Variants in MAPK4 observed in about 807,000 individuals in gnomAD.
MAPK4 encodes Erk3-related.
MAPK4 carries 22 observed loss-of-function variants against 47.7 expected under a neutral mutation model. The observed-to-expected ratio is 0.46, with a 90% CI of 0.33 to 0.66. The LOEUF is 0.66. MAPK4 is among the 30% of genes least tolerant of loss of function. The probability of loss-of-function intolerance (pLI) is 0.02; values close to 1 mark genes in which losing one functional copy is unlikely to be tolerated. For synonymous variants in MAPK4, 390 were observed against 365.7 expected, an observed-to-expected ratio of 1.07 and a Z score of -0.76; for missense variants, 736 against 831.7, an observed-to-expected ratio of 0.88 and a Z score of 1.42.
intron 1 of MAPK4, among the ~76,000 whole-genome samples, chr18:50,625,902 A>G (rs2042773264): frequency 7.7e-6 from 1 of 129,900 alleles, no homozygotes; most frequent in East Asian, 2.3e-4. Context: ...ACACACACAC[A>G]CACACACACA....
At chr18:50,709,332 C>T (rs917644411) in intron 2 of MAPK4, among the ~76,000 whole-genome samples, 1 of 152,216 alleles carries the variant, frequency 6.6e-6, no homozygotes, top group Non-Finnish European at 1.5e-5. Context: ...TAATCCCCTG[C>T]TCTCCAGACT....
At chr18:50,662,412 C>T (rs1907320486) in intron 1 of MAPK4, among the ~76,000 whole-genome samples, 1 of 152,162 alleles carries the variant, frequency 6.6e-6, no homozygotes. Flanking sequence ...AGAGCGAGGT[C>T]ACATTGTCAA....
intron 1 of MAPK4, among the ~76,000 whole-genome samples, chr18:50,598,205 T>TA (rs1427517726): frequency 6.6e-6 from 1 of 152,236 alleles, no homozygotes; most frequent in Middle Eastern, 3.2e-3. Context: ...ATTAGATACC[T>TA]ACTGCATGCC....
intron 1 of MAPK4, among the ~76,000 whole-genome samples, chr18:50,640,771 T>C (rs1331750369): frequency 6.6e-6 from 1 of 152,156 alleles, no homozygotes; most frequent in East Asian, 1.9e-4. Context: ...CAGCCAGTTA[T>C]GGCTATTTTC....
At position 50,678,637 on chromosome 18, in the gene MAPK4, T is replaced by TC. The variant is rs1306511984; in HGVS notation, c.546+14136dup. On this transcript the variant is annotated intron_variant, in intron 2 of 5. Transcript: ENST00000400384. The surrounding 1 kb of genome is among the most constrained non-coding windows in gnomAD (Gnocchi z 4.2). ...ACTTTGGGAAGAATACAGCTTTTTTTCCCTCCCTTTTTCAATAATTCCCAA... is the reference window on the plus strand; with the variant it reads ...ACTTTGGGAAGAATACAGCTTTTTTTCCCCTCCCTTTTTCAATAATTCCCAA... Among the ~76,000 whole-genome samples, 2 of 152,126 alleles carry TC rather than the reference T, an allele frequency of 1.3e-5. No individual in the cohort carries two copies. The highest frequency in any genetic ancestry group is 1.9e-4 in the East Asian group (1 of 5,194).
chr18:50,630,612 A>T (rs1382552382), intron 1 of MAPK4, among the ~76,000 whole-genome samples: 1 of 152,220 alleles, frequency 6.6e-6, no homozygotes, highest in African/African-American at 2.4e-5. Flanking sequence ...CTCTTCGGAC[A>T]CATCCTTCAA....
intron 3 of MAPK4, among the ~76,000 whole-genome samples, chr18:50,721,237 T>C (rs1910920869): frequency 1.3e-5 from 2 of 152,158 alleles, no homozygotes; most frequent in Non-Finnish European, 2.9e-5. Context: ...TGAAGCTTCT[T>C]ATGAATGAAA....
chr18:50,652,532 G>A (rs2043061794), intron 1 of MAPK4, among the ~76,000 whole-genome samples: 1 of 152,124 alleles, frequency 6.6e-6, no homozygotes, highest in South Asian at 2.1e-4. Flanking sequence ...TCTCATGTCT[G>A]GTTGGTATCC....
intron 1 of MAPK4, among the ~76,000 whole-genome samples, chr18:50,607,189 G>C (rs1052146540): frequency 3.3e-5 from 5 of 152,136 alleles, no homozygotes; most frequent in African/African-American, 9.7e-5. Context: ...ATGGGGCCAG[G>C]GGGGAGGGGA....
At chr18:50,728,904 G>A (rs1262334732) in intron 5 of MAPK4, among the ~76,000 whole-genome samples, 1 of 152,236 alleles carries the variant, frequency 6.6e-6, no homozygotes, top group Non-Finnish European at 1.5e-5. Context: ...GTGAGTGCTG[G>A]CACATGGTAG....
intron 2 of MAPK4, among the ~76,000 whole-genome samples, chr18:50,689,845 TTTGACA>T (rs1909113594): frequency 6.6e-6 from 1 of 152,226 alleles, no homozygotes; most frequent in African/African-American, 2.4e-5. Flanking sequence ...TTTCTCCAAA[TTTGACA>T]TGAAGTCTAT....
chr18:50,585,913 TG>T (rs1598798753), intron 1 of MAPK4, among the ~76,000 whole-genome samples: 1 of 152,154 alleles, frequency 6.6e-6, no homozygotes, highest in African/African-American at 2.4e-5. Flanking sequence ...AAGAACAGCA[TG>T]GGGGTTACTG....
chr18:50,702,124 T>C (rs12962348), intron 2 of MAPK4, among the ~76,000 whole-genome samples: 25,415 of 135,676 alleles, frequency 0.19, 2,368 homozygotes, highest in African/African-American at 0.27. Flanking sequence ...ATCACACCAC[T>C]GCACTCCAGC....
intron 3 of MAPK4, 37 bp downstream of exon 3, chr18:50,715,260 G>A (rs777844507): frequency 2.5e-6 from 4 of 1,592,172 alleles, no homozygotes; most frequent in Non-Finnish European, 3.4e-6. Flanking sequence ...TTCTCATCTG[G>A]CGTCGTTCCA....
intron 1 of MAPK4, among the ~76,000 whole-genome samples, chr18:50,605,820 A>G (rs1419356235): frequency 6.6e-6 from 1 of 152,128 alleles, no homozygotes; most frequent in Non-Finnish European, 1.5e-5. Flanking sequence ...TCCAGCGAAC[A>G]TGGCAGCCTC....
intron 1 of MAPK4, among the ~76,000 whole-genome samples, chr18:50,615,421 C>G (rs1422481179): frequency 6.6e-6 from 1 of 152,210 alleles, no homozygotes; most frequent in African/African-American, 2.4e-5. Flanking sequence ...TTCACTTTTC[C>G]TGAGATATTG....
intron 1 of MAPK4, among the ~76,000 whole-genome samples, chr18:50,566,308 G>A (rs2042197769): frequency 6.6e-6 from 1 of 152,220 alleles, no homozygotes; most frequent in African/African-American, 2.4e-5. Flanking sequence ...TGTGCACACA[G>A]TCACAGAAAT....
chr18:50,647,852 C>T (rs2043004939), intron 1 of MAPK4, among the ~76,000 whole-genome samples: 1 of 152,078 alleles, frequency 6.6e-6, no homozygotes, highest in African/African-American at 2.4e-5. Context: ...CATGATTCCC[C>T]CAGCAAATCC....
intron 2 of MAPK4, among the ~76,000 whole-genome samples, chr18:50,676,109 T>C (rs1301650603): frequency 6.6e-6 from 1 of 152,250 alleles, no homozygotes; most frequent in African/African-American, 2.4e-5. Flanking sequence ...TACTCTATTT[T>C]ACATGAATAT....
Sources: allele counts gnomAD v4.1 joint callset (sites outside exome capture counted in the v4.1 genomes callset), GRCh38; gene constraint gnomAD v4.1.1; non-coding constraint Gnocchi (gnomAD v3.1); transcripts MANE v1.5; gene names NCBI Gene and HGNC (gene_info 2026-07-23, HGNC 2026-07-21).